Variants in DDHD1 observed in about 807,000 individuals in gnomAD.
DDHD1 encodes the protein phospholipase DDHD1.
A neutral mutation model predicts 96.4 loss-of-function variants in DDHD1; 49 were observed. The observed-to-expected ratio is 0.51, with a 90% CI of 0.40 to 0.64. The LOEUF is 0.64. Among genes scored for constraint, DDHD1 ranks in the 30% least tolerant of loss-of-function variants. DDHD1 has a pLI of 0.00. For synonymous variants in DDHD1, 442 were observed against 446.5 expected, an observed-to-expected ratio of 0.99 and a Z score of 0.13; for missense variants, 1,106 against 1,161.2, an observed-to-expected ratio of 0.95 and a Z score of 0.69.
At chr14:53,051,817 G>T in intron 12 of DDHD1, 27 bp downstream of exon 12, 3 of 1,529,944 alleles carry the variant, frequency 2.0e-6, no homozygotes, top group Non-Finnish European at 1.8e-6. Flanking sequence ...ATAGTATTCT[G>T]AATGCTATTC....
Position 53,152,715 on chromosome 14 carries a change from C to T in DDHD1, c.384G>A (p.Thr128=), listed in dbSNP as rs1450245763. Residue 128 remains threonine (T), a synonymous_variant, in exon 1 of 13, where the codon ACG becomes ACA. Transcript: ENST00000673822. The part of the protein sequence containing the change: ...HPPQQPPLVP[T]NSGGGGATGG... ...CTGTCGCGCCGCCGCCCCCCGAGTT[C>T]GTCGGGACCAGCGGAGGCTGCTGCG... 3.1e-6 allele frequency: 5 copies of T among 1,607,548 alleles called. No homozygotes were observed. The Admixed American group carries it at 5.0e-5, about 16-fold the overall frequency.
In DDHD1 at chr14:53,040,154, G is replaced by C. The variant is rs1881551656; in HGVS notation, c.*6614C>G. 6.6e-6 allele frequency: 1 copy of C among 152,204 alleles called. No individual in the cohort carries two copies. Among genetic ancestry groups the C allele is most frequent in the Non-Finnish European group, 1.5e-5 (1 of 68,048 alleles). 9.4% of individuals were successfully genotyped at this position (152,204 alleles called of 1,614,324 possible). On this transcript the variant is annotated 3_prime_UTR_variant, in exon 13 of 13. Transcript: ENST00000673822. ...AGGAGTAGGTTTCTATCTGGCACGG[G>C]TTCTTGGAGTTAGCCTGAAGACCTC...
Position 53,124,814 on chromosome 14 carries a change from T to C in DDHD1, c.839-20958A>G, listed in dbSNP as rs186764691. Among the ~76,000 whole-genome samples the C allele has an allele frequency of 7.9e-5, 12 of 152,348 alleles. 1 individual carries two copies. The South Asian group carries it at 8.3e-4, about 11-fold the overall frequency. ...GGGCTGCTGTACAAAATACTAAAGA[T>C]TGAGCGGCTTAAACAACAGTAATTT... On this transcript the variant is annotated intron_variant, in intron 1 of 12. Transcript: ENST00000673822.
chr14:53,090,909 C>T (rs185880802), intron 4 of DDHD1, among the ~76,000 whole-genome samples: 3 of 151,692 alleles, frequency 2.0e-5, no homozygotes, highest in Admixed American at 6.6e-5. Flanking sequence ...AACTTTAATC[C>T]GTTAGCTGGC....
intron 6 of DDHD1, 137 bp downstream of exon 6, chr14:53,072,460 T>C: frequency 2.3e-6 from 1 of 439,696 alleles, no homozygotes; most frequent in Admixed American, 3.9e-5. Flanking sequence ...TCAAATTTAT[T>C]AAAAGTAGGC....
At chr14:53,142,105 A>T (rs940342580) in intron 1 of DDHD1, among the ~76,000 whole-genome samples, 1 of 152,222 alleles carries the variant, frequency 6.6e-6, no homozygotes, top group African/African-American at 2.4e-5. Context: ...AATGATCCCC[A>T]TTTACAAAGG....
At chr14:53,048,294 T>G (rs550205261) in intron 12 of DDHD1, among the ~76,000 whole-genome samples, 1 of 152,196 alleles carries the variant, frequency 6.6e-6, no homozygotes, top group East Asian at 1.9e-4. Context: ...ATAAAATACT[T>G]GTAAAATACA....
At chr14:53,101,522 T>C (rs529720539) in intron 2 of DDHD1, among the ~76,000 whole-genome samples, 127 of 152,214 alleles carry the variant, frequency 8.3e-4, no homozygotes, top group Non-Finnish European at 1.6e-3. Flanking sequence ...AAGATTACAA[T>C]GCAAAAGTGT....
chr14:53,141,310 G>A (rs748220683), intron 1 of DDHD1, among the ~76,000 whole-genome samples: 1 of 152,200 alleles, frequency 6.6e-6, no homozygotes, highest in Non-Finnish European at 1.5e-5. Flanking sequence ...GACTGAACTG[G>A]TAATTCTCAG....
chr14:53,069,589 A>G (rs891563579), intron 6 of DDHD1, among the ~76,000 whole-genome samples: 7 of 152,202 alleles, frequency 4.6e-5, no homozygotes, highest in Admixed American at 2.0e-4. Flanking sequence ...GACTTGCTTT[A>G]TTGTGACATT....
chr14:53,141,207 T>C (rs1196282039), intron 1 of DDHD1, among the ~76,000 whole-genome samples: 4 of 152,144 alleles, frequency 2.6e-5, no homozygotes, highest in Non-Finnish European at 4.4e-5. Context: ...TGGCAATACA[T>C]AGGTAGAAAG....
intron 12 of DDHD1, among the ~76,000 whole-genome samples, chr14:53,047,258 G>A (rs1882095511): frequency 6.6e-6 from 1 of 152,074 alleles, no homozygotes; most frequent in Non-Finnish European, 1.5e-5. Context: ...TCAAAACTTG[G>A]CATTACCATT....
At chr14:53,117,856 C>T (rs935561528) in intron 1 of DDHD1, among the ~76,000 whole-genome samples, 29 of 152,158 alleles carry the variant, frequency 1.9e-4, no homozygotes, top group Admixed American at 7.9e-4. Flanking sequence ...CCTCCTCAAG[C>T]GGGTCCCTGA....
intron 1 of DDHD1, among the ~76,000 whole-genome samples, chr14:53,132,012 G>A (rs1288996670): frequency 3.9e-5 from 6 of 151,928 alleles, no homozygotes; most frequent in African/African-American, 9.7e-5. Context: ...AGGTACTTTC[G>A]CCTTTAGATA....
Position 53,046,734 on chromosome 14 carries a change from T to G in DDHD1, c.*34A>C. 2.2e-6 allele frequency: 3 copies of G among 1,389,788 alleles called. No individual in the cohort carries two copies. The East Asian group carries it at 7.7e-5, about 36-fold the overall frequency. 86.1% of individuals were successfully genotyped at this position (1,389,788 alleles called of 1,614,324 possible). A position where few individuals can be genotyped will look rare whatever the true frequency, so the allele number is the denominator to read the frequency against. On this transcript the variant is annotated 3_prime_UTR_variant, in exon 13 of 13. Transcript: ENST00000673822. ...CACATTTTAACGGAAAAAAAAAAAA[T>G]CAGTTTTAGGCCATTCATGTCCTTC...
intron 1 of DDHD1, among the ~76,000 whole-genome samples, chr14:53,104,095 C>A (rs1887513411): frequency 6.6e-6 from 1 of 152,118 alleles, no homozygotes; most frequent in Non-Finnish European, 1.5e-5. Context: ...ACCTTCCAGG[C>A]TAATTTTTAT....
chr14:53,152,951 C>A lies in DDHD1; in HGVS notation c.148G>T (p.Asp50Tyr), dbSNP rs775721432. Residue 50 changes from aspartate (D) to tyrosine (Y), a missense_variant, in exon 1 of 13, where the codon GAC (aspartate) becomes TAC (tyrosine). Physicochemically the swap from Asp to Tyr is radical, Grantham distance 160. This residue lies in a region of DDHD1 where 456 missense variants were observed against 402.4 expected (regional missense o/e 1.13). Transcript: ENST00000673822. ...AGGGCCAGGGGCACGTCGCCGTCGT[C>A]CGGGTCCCCGCCGGGCAGGTGCTCG... ...CFEHLPGGDPDDGDVPLALLR... is the reference protein window; with the variant it reads ...CFEHLPGGDPYDGDVPLALLR... The A allele has an allele frequency of 6.3e-7, 1 of 1,592,088 alleles. No homozygotes were observed. The highest frequency in any genetic ancestry group is 1.8e-5 in the Admixed American group (1 of 56,706).
intron 4 of DDHD1, among the ~76,000 whole-genome samples, chr14:53,081,049 CATTATA>C (rs1049637171): frequency 2.0e-5 from 3 of 152,046 alleles, no homozygotes; most frequent in African/African-American, 7.2e-5. Flanking sequence ...AAAGACATTG[CATTATA>C]ATTATGTTTA....
At chr14:53,121,594 T>C (rs1372688220) in intron 1 of DDHD1, among the ~76,000 whole-genome samples, 2 of 152,198 alleles carry the variant, frequency 1.3e-5, no homozygotes, top group African/African-American at 2.4e-5. Context: ...TGGAATACTA[T>C]GCAGCCATAA....
Sources: allele counts gnomAD v4.1 joint callset (sites outside exome capture counted in the v4.1 genomes callset), GRCh38; gene constraint gnomAD v4.1.1; regional missense constraint gnomAD v4.1.1; transcripts MANE v1.5; gene names NCBI Gene and HGNC (gene_info 2026-07-23, HGNC 2026-07-21).